The following ZNF704 variants were observed in gnomAD, a reference collection of about 807,000 sequenced individuals.
ZNF704 encodes the protein glucocorticoid induced gene 1.
A neutral mutation model predicts 44.7 loss-of-function variants in ZNF704; 10 were observed. That is an observed-to-expected ratio of 0.22 (90% CI 0.14 to 0.38). ZNF704 has a LOEUF of 0.38. ZNF704 is among the 10% of genes least tolerant of loss of function. The pLI is 1.00. For missense variants in ZNF704, 390 were observed against 545.5 expected, an observed-to-expected ratio of 0.71 and a Z score of 2.84; for synonymous variants, 211 against 207.6, an observed-to-expected ratio of 1.02 and a Z score of -0.14.
chr8:80,641,218 T>G lies in ZNF704; in HGVS notation c.*148A>C. The G allele has an allele frequency of 2.1e-6, 1 of 483,936 alleles. No individual in the cohort carries two copies. 30.0% of individuals were successfully genotyped at this position (483,936 alleles called of 1,614,324 possible). A position where few individuals can be genotyped will look rare whatever the true frequency, so the allele number is the denominator to read the frequency against. On this transcript the variant is annotated 3_prime_UTR_variant, in exon 9 of 9. Transcript: ENST00000327835. Reference sequence around the variant, plus strand: ...GTGACTTAAACAATTTTTCTGTGTTTTTGCTGTTATTCCTCCAAGGTTCCT... The same window carrying G: ...GTGACTTAAACAATTTTTCTGTGTTGTTGCTGTTATTCCTCCAAGGTTCCT...
chr8:80,642,472 A>C (rs575000711), intron 8 of ZNF704, among the ~76,000 whole-genome samples: 2 of 152,258 alleles, frequency 1.3e-5, no homozygotes, highest in African/African-American at 4.8e-5. Context: ...TACACTGAAC[A>C]AAGGGATAAC....
chr8:80,855,644 T>A (rs532883201), intron 1 of ZNF704, among the ~76,000 whole-genome samples: 1 of 152,200 alleles, frequency 6.6e-6, no homozygotes, highest in East Asian at 1.9e-4. Context: ...AGGTGGATGA[T>A]GAGAGATTAC....
chr8:80,815,203 T>C (rs556944233), intron 2 of ZNF704, among the ~76,000 whole-genome samples: 1 of 152,306 alleles, frequency 6.6e-6, no homozygotes, highest in African/African-American at 2.4e-5. Flanking sequence ...GAAAAACAAA[T>C]AGTACCATAT....
At chr8:80,789,255 T>A (rs1465287183) in intron 2 of ZNF704, among the ~76,000 whole-genome samples, 2 of 152,196 alleles carry the variant, frequency 1.3e-5, no homozygotes, top group East Asian at 3.8e-4. Context: ...GACATCATCA[T>A]GCACTTCTGA....
At chr8:80,836,306 C>T (rs1808582087) in intron 1 of ZNF704, among the ~76,000 whole-genome samples, 1 of 152,172 alleles carries the variant, frequency 6.6e-6, no homozygotes, top group Non-Finnish European at 1.5e-5. Flanking sequence ...TTTTTACTGG[C>T]TTCCTCATCT....
At chr8:80,664,098 G>A (rs1275424459) in intron 6 of ZNF704, among the ~76,000 whole-genome samples, 2 of 151,174 alleles carry the variant, frequency 1.3e-5, no homozygotes, top group South Asian at 2.1e-4. Context: ...TGCAACATTA[G>A]GGATTTTTTT....
chr8:80,734,279 T>A (rs1158780422), intron 2 of ZNF704, among the ~76,000 whole-genome samples: 1 of 152,194 alleles, frequency 6.6e-6, no homozygotes, highest in Non-Finnish European at 1.5e-5. Flanking sequence ...GGATACTCAA[T>A]CAGTCATATG....
intron 2 of ZNF704, among the ~76,000 whole-genome samples, chr8:80,717,864 C>T (rs1044137440): frequency 3.3e-5 from 5 of 152,148 alleles, no homozygotes; most frequent in Admixed American, 1.3e-4. Context: ...CTTAGCATGC[C>T]ATTCGAGGCC....
chr8:80,796,110 C>A (rs1294976475), intron 2 of ZNF704, among the ~76,000 whole-genome samples: 3 of 152,154 alleles, frequency 2.0e-5, no homozygotes, highest in Non-Finnish European at 4.4e-5. Context: ...TTGCTTATAA[C>A]AGAATACTTG....
chr8:80,684,487 A>T (rs1200230599), intron 4 of ZNF704, among the ~76,000 whole-genome samples: 1 of 152,228 alleles, frequency 6.6e-6, no homozygotes, highest in Non-Finnish European at 1.5e-5. Flanking sequence ...AACAATACCC[A>T]CAGAACAAGT....
chr8:80,797,419 A>G (rs1807824509), intron 2 of ZNF704, among the ~76,000 whole-genome samples: 1 of 152,158 alleles, frequency 6.6e-6, no homozygotes, highest in African/African-American at 2.4e-5. Context: ...GCTGCTTGAC[A>G]CATTCTTTGA....
chr8:80,685,685 G>A (rs967612740), intron 4 of ZNF704, among the ~76,000 whole-genome samples: 38 of 152,132 alleles, frequency 2.5e-4, no homozygotes, highest in African/African-American at 8.9e-4. Flanking sequence ...ACTGCCTCTG[G>A]GAAGGTCAGG....
intron 6 of ZNF704, among the ~76,000 whole-genome samples, chr8:80,663,866 A>G (rs1818141993): frequency 2.0e-5 from 3 of 151,998 alleles, no homozygotes; most frequent in Admixed American, 6.5e-5. Flanking sequence ...AGTAGCTGGG[A>G]CTACAGGTAC....
At position 80,636,035 on chromosome 8, in the gene ZNF704, GTTCT is replaced by G. The variant is rs1817659059; in HGVS notation, c.*5327_*5330del. The G allele has an allele frequency of 6.6e-6, 1 of 152,090 alleles. No individual in the cohort carries two copies. The highest frequency in any genetic ancestry group is 6.6e-5 in the Admixed American group (1 of 15,260). The allele number at this position is 152,090 out of a possible 1,614,324, so 9.4% of individuals were successfully genotyped here. A position where few individuals can be genotyped will look rare whatever the true frequency, so the allele number is the denominator to read the frequency against. On this transcript the variant is annotated 3_prime_UTR_variant, in exon 9 of 9. Transcript: ENST00000327835. ...AGGTCATTTCTCACAAAATGTCTGC[GTTCT>G]TTGTGATTACAAAACACTGCATCTT...
chr8:80,863,282 C>T (rs962242090), intron 1 of ZNF704, among the ~76,000 whole-genome samples: 6 of 152,146 alleles, frequency 3.9e-5, no homozygotes, highest in African/African-American at 1.4e-4. Context: ...TCTGTAAGCA[C>T]TTGCAGCTGA....
At chr8:80,806,851 C>A (rs2129817898) in intron 2 of ZNF704, among the ~76,000 whole-genome samples, 1 of 152,328 alleles carries the variant, frequency 6.6e-6, no homozygotes, top group East Asian at 1.9e-4. Context: ...CACTGGGTCA[C>A]TTTTAACTGT....
At chr8:80,766,887 A>G (rs1386500515) in intron 2 of ZNF704, among the ~76,000 whole-genome samples, 1 of 151,834 alleles carries the variant, frequency 6.6e-6, no homozygotes, top group East Asian at 1.9e-4. Context: ...TAATTTTTGT[A>G]TTTTTAGTAG....
chr8:80,867,503 C>CCCTG (rs1483138574), intron 1 of ZNF704, among the ~76,000 whole-genome samples: 1 of 151,930 alleles, frequency 6.6e-6, no homozygotes, highest in Non-Finnish European at 1.5e-5. Flanking sequence ...CCAGATGGAC[C>CCCTG]AGGCATACCA....
intron 2 of ZNF704, among the ~76,000 whole-genome samples, chr8:80,731,238 A>T (rs1419632016): frequency 6.6e-6 from 1 of 152,228 alleles, no homozygotes; most frequent in Non-Finnish European, 1.5e-5. Context: ...TCTATTGGTA[A>T]ATCTATTATT....
Sources: gnomAD v4.1 joint callset for allele counts (sites outside exome capture counted in the v4.1 genomes callset) on GRCh38, gnomAD v4.1.1 for gene constraint, MANE v1.5 for transcripts, NCBI Gene and HGNC (gene_info 2026-07-23, HGNC 2026-07-21) for gene names.